The following NT5C3B variants were observed in gnomAD, a reference collection of about 807,000 sequenced individuals.
NT5C3B encodes 5'-nucleotidase, cytosolic IIIB, also known as 7-methylguanosine phosphate-specific 5'-nucleotidase.
In NT5C3B, 28 loss-of-function variants were observed where a neutral mutation model predicts 32.5. That is an observed-to-expected ratio of 0.86 (90% CI 0.64 to 1.18). The LOEUF (loss-of-function observed/expected upper bound fraction) is 1.18. NT5C3B is among the 50% of genes most tolerant of loss of function. The pLI, the probability that NT5C3B is intolerant of heterozygous loss-of-function variation, is 0.00. For missense variants in NT5C3B, 317 were observed against 322.0 expected (o/e 0.98, Z 0.12); for synonymous variants, 138 against 118.0 (o/e 1.17, Z -1.10).
intron 8 of NT5C3B, among the ~76,000 whole-genome samples, chr17:41,825,892 T>G (rs2144082877): frequency 6.6e-6 from 1 of 152,150 alleles, no homozygotes; most frequent in Middle Eastern, 3.4e-3. Context: ...TAACAAGGAA[T>G]AAAAACAAAA....
Position 41,827,693 on chromosome 17 carries a change from GTC to G in NT5C3B, c.568-69_568-68del. The G allele has an allele frequency of 4.0e-6, 3 of 753,048 alleles. No individual in the cohort carries two copies. The East Asian group carries it at 7.3e-5, about 18-fold the overall frequency. The allele number at this position is 753,048 out of a possible 1,614,324, so 46.6% of individuals were successfully genotyped here. On this transcript the variant is annotated intron_variant, in intron 7 of 8. Coordinates refer to ENST00000435506, the MANE Select transcript of NT5C3B (RefSeq NM_052935.5). The stretch of plus-strand genomic sequence containing the variant: ...ACCCATGTGGCACCAGCTCTCCACT[GTC>G]TCTGTCACAGAGAAAAGGGAATCCC...
At chr17:41,833,912 A>C (rs1421040734) in intron 4 of NT5C3B, among the ~76,000 whole-genome samples, 3 of 152,232 alleles carry the variant, frequency 2.0e-5, no homozygotes, top group African/African-American at 7.2e-5. Flanking sequence ...TGCCTAGTAA[A>C]AATGAGAATT....
chr17:41,827,016 A>G (rs1213057501), intron 8 of NT5C3B, among the ~76,000 whole-genome samples: 2 of 139,098 alleles, frequency 1.4e-5, no homozygotes, highest in African/African-American at 2.6e-5. Context: ...AAAAAAAAAA[A>G]GAAAAAAAAG....
At position 41,827,431 on chromosome 17, in the gene NT5C3B, C is replaced by A; in HGVS notation, c.763G>T (p.Asp255Tyr). 1.1e-6 allele frequency: 1 copy of A among 872,638 alleles called. No individual in the cohort carries two copies. Among genetic ancestry groups the A allele is most frequent in the East Asian group, 2.4e-5 (1 of 41,716 alleles). The allele number at this position is 872,638 out of a possible 1,614,324, so 54.1% of individuals were successfully genotyped here. Residue 255 changes from aspartate (D) to tyrosine (Y), a missense_variant, in exon 8 of 9, where the codon GAC becomes TAC. Coordinates refer to ENST00000435506, the MANE Select transcript of NT5C3B (RefSeq NM_052935.5). ...AGCCCTGGTCCTCTACCCACCTTGTCATTCAGGAAGCCAATTTTGAGAATG... is the reference window on the plus strand; with the variant it reads ...AGCCCTGGTCCTCTACCCACCTTGTAATTCAGGAAGCCAATTTTGAGAATG... Reference protein sequence around the residue: ...QNILKIGFLNDKVEERRERYM... With the variant: ...QNILKIGFLNYKVEERRERYM...
At chr17:41,833,050 A>T (rs1555619262) in intron 4 of NT5C3B, among the ~76,000 whole-genome samples, 1 of 152,218 alleles carries the variant, frequency 6.6e-6, no homozygotes, top group African/African-American at 2.4e-5. Flanking sequence ...GAGCACCTGG[A>T]TCCACAGAGC....
At chr17:41,834,506 G>A (rs1254905530) in intron 4 of NT5C3B, among the ~76,000 whole-genome samples, 2 of 152,050 alleles carry the variant, frequency 1.3e-5, no homozygotes, top group African/African-American at 4.8e-5. Flanking sequence ...AGCACTTTGG[G>A]GAGGCTGAGG....
chr17:41,830,720 C>A, intron 6 of NT5C3B, 81 bp downstream of exon 6: 1 of 1,011,750 alleles, frequency 9.9e-7, no homozygotes, highest in Non-Finnish European at 1.6e-6. Flanking sequence ...TAACTGCTCT[C>A]TACTCTTCCC....
At chr17:41,833,957 T>G (rs1397520223) in intron 4 of NT5C3B, among the ~76,000 whole-genome samples, 1 of 152,192 alleles carries the variant, frequency 6.6e-6, no homozygotes, top group Non-Finnish European at 1.5e-5. Context: ...TGCATGATTC[T>G]CAGGAACATT....
At chr17:41,825,740 G>A in intron 8 of NT5C3B, 83 bp from the exon 9 acceptor site, 1 of 838,856 alleles carries the variant, frequency 1.2e-6, no homozygotes, top group Non-Finnish European at 2.1e-6. Flanking sequence ...CTGGGGCTGG[G>A]GAGGAGAGCA....
intron 4 of NT5C3B, among the ~76,000 whole-genome samples, chr17:41,834,736 G>A (rs1457615924): frequency 3.9e-5 from 6 of 152,186 alleles, no homozygotes; most frequent in Non-Finnish European, 7.4e-5. Flanking sequence ...GTGATAGAGT[G>A]AGACCCTGTC....
chr17:41,828,929 TTG>T lies in NT5C3B; in HGVS notation c.426_427del (p.Phe142LeufsTer6). 6.2e-7 allele frequency: 1 copy of T among 1,613,560 alleles called. No homozygotes were observed. Among genetic ancestry groups the T allele is most frequent in the South Asian group, 1.1e-5 (1 of 91,030 alleles). ...GGGAATGTTGTTATGGTAGAGTGTG[TTG>T]AAGAAGGTCTTATATCCCTCCCTGA... On this transcript the variant is annotated frameshift_variant, in exon 7 of 9. Coordinates refer to ENST00000435506, the MANE Select transcript of NT5C3B (RefSeq NM_052935.5). LOFTEE classifies it high-confidence loss of function.
At chr17:41,835,488 G>A in intron 2 of NT5C3B, 2 of 655,380 alleles carry the variant, frequency 3.1e-6, no homozygotes, top group Non-Finnish European at 5.5e-6. Context: ...CCTAGTGTGG[G>A]GGCAAGGGTG....
intron 2 of NT5C3B, chr17:41,835,615 A>AAATC (rs3039772): frequency 1.4e-6 from 1 of 698,064 alleles, no homozygotes; most frequent in Non-Finnish European, 2.6e-6. Flanking sequence ...GGGGAGGATA[A>AAATC]GGCCCTAGGT....
At chr17:41,828,676 C>G (rs1555618556) in intron 7 of NT5C3B, 114 bp downstream of exon 7, 1 of 981,802 alleles carries the variant, frequency 1.0e-6, no homozygotes. Flanking sequence ...GGTGAAGAAG[C>G]TAGAGTGGCT....
chr17:41,835,680 A>C (rs1555619810), intron 2 of NT5C3B, 179 bp downstream of exon 2: 1 of 724,758 alleles, frequency 1.4e-6, no homozygotes, highest in East Asian at 2.7e-5. Flanking sequence ...CATATTGAGA[A>C]ATCTGAAATT....
chr17:41,836,214 C>T lies in NT5C3B; in HGVS notation c.-21G>A, dbSNP rs927508071. On this transcript the variant is annotated 5_prime_UTR_variant, in exon 1 of 9. Transcript: ENST00000435506. ...GCCATCCCGTTCGAGGCCTGGTCGG[C>T]GGCTCGCGGGACAACGACAGCCCCG... is the stretch of plus-strand genomic sequence containing the variant. The T allele has an allele frequency of 6.5e-6, 8 of 1,234,208 alleles. No homozygotes were observed. In the African/African-American group the frequency reaches 1.2e-4, roughly 19 times the overall value. The allele number at this position is 1,234,208 out of a possible 1,614,324, so 76.5% of individuals were successfully genotyped here.
At position 41,835,888 on chromosome 17, in the gene NT5C3B, G is replaced by C. The variant is rs782400445; in HGVS notation, c.82C>G (p.Leu28Val). The change falls in exon 2 of 9, where the codon CTC becomes GTC. Residue 28 changes from leucine to valine, a missense_variant. Leu to Val is a conservative substitution (Grantham distance 32). Transcript: ENST00000435506. ...AACCGGTCTCCGCCGCCCTTGCGGA[G>C]GGCGCCCACGATCTCCTGCACCCGC... ...PGRVQEIVGA[L>V]RKGGGDRLQV... The C allele has an allele frequency of 1.8e-5, 29 of 1,609,130 alleles. No individual in the cohort carries two copies. The Admixed American group carries it at 4.9e-4, about 27-fold the overall frequency.
rs1333492437 is a variant in NT5C3B, at chr17:41,835,195, T to A, written c.181+8A>T. ...AAGCTCAACAAGGGAAGCTAGAATG[T>A]GACTTACTGTAAGAAGAAGGGCATC... On this transcript the variant is annotated splice_region_variant and intron_variant, in intron 3 of 8. Transcript: ENST00000435506. 6.2e-7 allele frequency: 1 copy of A among 1,613,968 alleles called. No homozygotes were observed.
rs782655954 is a variant in NT5C3B, at chr17:41,835,946, C to A, written c.24G>T (p.Leu8=). 1.3e-4 allele frequency: 214 copies of A among 1,592,162 alleles called. No homozygotes were observed. The highest frequency in any genetic ancestry group is 1.8e-4 in the Non-Finnish European group (209 of 1,170,112). The change falls in exon 2 of 9, where the codon CTG becomes CTT. Residue 8 remains leucine, a synonymous_variant. Coordinates refer to ENST00000435506, the MANE Select transcript of NT5C3B (RefSeq NM_052935.5). MAEEVST[L]MKATVLMRQP... is the part of the protein sequence containing the mutation. ...GCCGCATCAGGACCGTGGCCTTCAT[C>A]AGGGTGCTCACCTGTCCCGAGACCC... is the stretch of plus-strand genomic sequence containing the variant.
Sources: gnomAD v4.1 joint callset for allele counts (sites outside exome capture counted in the v4.1 genomes callset) on GRCh38, gnomAD v4.1.1 for gene constraint, MANE v1.5 for transcripts, NCBI Gene and HGNC (gene_info 2026-07-23, HGNC 2026-07-21) for gene names.